Variants in NAALADL2 observed in about 807,000 individuals in gnomAD.
NAALADL2 encodes the protein inactive N-acetylated-alpha-linked acidic dipeptidase-like protein 2.
NAALADL2 carries 76 observed loss-of-function variants against 87.2 expected under a neutral mutation model. The observed-to-expected ratio is 0.87, with a 90% CI of 0.72 to 1.05. The LOEUF (loss-of-function observed/expected upper bound fraction) is 1.05, where lower values mean the gene tolerates loss of function less well. Ranked by LOEUF, NAALADL2 falls within the 50% of genes least tolerant of loss-of-function variation. The pLI is 0.00. For missense variants in NAALADL2, 1,089 were observed against 945.8 expected (o/e 1.15, Z -1.99); for synonymous variants, 354 against 331.0 (o/e 1.07, Z -0.75).
chr3:174,871,212 C>T (rs1203541292), intron 1 of NAALADL2, among the ~76,000 whole-genome samples: 1 of 152,182 alleles, frequency 6.6e-6, no homozygotes, highest in Non-Finnish European at 1.5e-5. Flanking sequence ...GATATTTCCT[C>T]TTCAGTGTTT....
At chr3:175,262,855 G>A (rs1751297725) in intron 4 of NAALADL2, among the ~76,000 whole-genome samples, 1 of 151,772 alleles carries the variant, frequency 6.6e-6, no homozygotes, top group South Asian at 2.1e-4. Flanking sequence ...AGGCAAACTT[G>A]CCTCTTTTTT....
At chr3:175,400,669 C>T (rs988120284) in intron 5 of NAALADL2, among the ~76,000 whole-genome samples, 1 of 152,038 alleles carries the variant, frequency 6.6e-6, no homozygotes, top group Admixed American at 6.6e-5. Flanking sequence ...AAGTTCAATT[C>T]TTAAAATAGG....
chr3:175,492,283 G>A (rs1450582048), intron 9 of NAALADL2, among the ~76,000 whole-genome samples: 2 of 152,146 alleles, frequency 1.3e-5, no homozygotes, highest in African/African-American at 4.8e-5. Context: ...ATTCTTTAGT[G>A]TATGGAGTAG....
intron 3 of NAALADL2, among the ~76,000 whole-genome samples, chr3:174,833,113 A>G (rs1374050714): frequency 3.3e-5 from 5 of 152,148 alleles, no homozygotes; most frequent in Admixed American, 2.0e-4. Flanking sequence ...AAAAGTTAAT[A>G]CTGTTTCTGA....
intron 5 of NAALADL2, among the ~76,000 whole-genome samples, chr3:175,358,371 T>C (rs1219912352): frequency 6.6e-6 from 1 of 152,162 alleles, no homozygotes; most frequent in Admixed American, 6.6e-5. Context: ...AAATGATTAC[T>C]GCCTTAGGAG....
chr3:174,840,091 G>A (rs146944278), intron 3 of NAALADL2, among the ~76,000 whole-genome samples: 2 of 151,612 alleles, frequency 1.3e-5, no homozygotes, highest in Admixed American at 6.6e-5. Context: ...ACAAAAATGT[G>A]GAACCAACCC....
chr3:175,287,136 C>T (rs945098302), intron 4 of NAALADL2, among the ~76,000 whole-genome samples: 2 of 151,912 alleles, frequency 1.3e-5, no homozygotes, highest in South Asian at 4.2e-4. Flanking sequence ...TATCTCGTTC[C>T]GTATAGTATC....
chr3:174,883,244 C>T lies in NAALADL2; in HGVS notation c.43+23794C>T, dbSNP rs940439030. On this transcript the variant is annotated intron_variant, in intron 1 of 13. Coordinates refer to ENST00000454872, the MANE Select transcript of NAALADL2 (RefSeq NM_207015.3). ...CTCAAATGTTAATCTCCTTTGGCTACACCCTCACAGAAACACACCAGGAGC... is the reference window on the plus strand; with the variant it reads ...CTCAAATGTTAATCTCCTTTGGCTATACCCTCACAGAAACACACCAGGAGC... Among the ~76,000 whole-genome samples the T allele has an allele frequency of 2.0e-5, 3 of 152,074 alleles. No homozygotes were observed. The East Asian group carries it at 5.8e-4, about 29-fold the overall frequency.
In NAALADL2 at chr3:174,471,472, C is replaced by T. The variant is rs183802416; in HGVS notation, c.-184+30440C>T. Among the ~76,000 whole-genome samples the T allele has an allele frequency of 9.5e-4, 144 of 152,192 alleles. 1 individual carries two copies. The highest frequency in any genetic ancestry group is 3.4e-3 in the Middle Eastern group (1 of 294). On this transcript the variant is annotated intron_variant, in intron 1 of 3. Coordinates refer to the NAALADL2 transcript ENST00000434257. Reference sequence around the variant, plus strand: ...TAAAGATCTTCTAATAAATTAGAGTCTTGGGCAACTGTTTAGTCTGTTTTG... The same window carrying T: ...TAAAGATCTTCTAATAAATTAGAGTTTTGGGCAACTGTTTAGTCTGTTTTG...
intron 1 of NAALADL2, among the ~76,000 whole-genome samples, chr3:174,862,742 G>A (rs1726652866): frequency 6.6e-6 from 1 of 152,172 alleles, no homozygotes. Context: ...ACAATCTTGT[G>A]AGAGGAGGAA....
intron 11 of NAALADL2, among the ~76,000 whole-genome samples, chr3:175,678,467 A>T (rs1735126111): frequency 6.6e-6 from 1 of 152,168 alleles, no homozygotes; most frequent in South Asian, 2.1e-4. Flanking sequence ...AAGACTTGGA[A>T]CCAACCCAGA....
intron 1 of NAALADL2, among the ~76,000 whole-genome samples, chr3:174,990,865 C>G (rs1746638957): frequency 6.6e-6 from 1 of 152,050 alleles, no homozygotes; most frequent in Non-Finnish European, 1.5e-5. Context: ...GACCTCTCTA[C>G]AAGTGAATCT....
chr3:175,018,989 C>T (rs1231366053), intron 1 of NAALADL2, among the ~76,000 whole-genome samples: 1 of 151,930 alleles, frequency 6.6e-6, no homozygotes, highest in Admixed American at 6.6e-5. Context: ...TGAAAGAAAC[C>T]ACCTCCTGCT....
intron 3 of NAALADL2, among the ~76,000 whole-genome samples, chr3:174,795,684 A>G (rs147684272): frequency 2.0e-5 from 3 of 152,190 alleles, no homozygotes; most frequent in Non-Finnish European, 4.4e-5. Context: ...ATCTCTCCAC[A>G]TCTTCACCAA....
At chr3:175,559,473 T>A (rs1715905581) in intron 9 of NAALADL2, among the ~76,000 whole-genome samples, 1 of 152,134 alleles carries the variant, frequency 6.6e-6, no homozygotes, top group Non-Finnish European at 1.5e-5. Flanking sequence ...CTTCCAGTAC[T>A]ATGTTGAAAA....
At chr3:174,774,953 C>G (rs746599062) in intron 3 of NAALADL2, among the ~76,000 whole-genome samples, 1 of 152,002 alleles carries the variant, frequency 6.6e-6, no homozygotes, top group Non-Finnish European at 1.5e-5. Flanking sequence ...TTCTCACAAA[C>G]GGAAAAGTTA....
chr3:175,310,739 T>C (rs1385217823), intron 4 of NAALADL2, among the ~76,000 whole-genome samples: 1 of 152,056 alleles, frequency 6.6e-6, no homozygotes, highest in Non-Finnish European at 1.5e-5. Flanking sequence ...TGGTCATTTT[T>C]TATCTCCTCA....
chr3:175,029,352 A>G (rs1327453307), intron 1 of NAALADL2, among the ~76,000 whole-genome samples: 1 of 151,964 alleles, frequency 6.6e-6, no homozygotes, highest in African/African-American at 2.4e-5. Flanking sequence ...TGTGATTGTA[A>G]TTTAAAAATG....
At chr3:175,446,423 T>C (rs1190498395) in intron 5 of NAALADL2, among the ~76,000 whole-genome samples, 2 of 152,110 alleles carry the variant, frequency 1.3e-5, no homozygotes, top group Non-Finnish European at 2.9e-5. Context: ...TATACTTTTA[T>C]TATGCACGGG....
Sources: gnomAD v4.1 joint callset for allele counts (sites outside exome capture counted in the v4.1 genomes callset) on GRCh38, gnomAD v4.1.1 for gene constraint, MANE v1.5 for transcripts, NCBI Gene and HGNC (gene_info 2026-07-23, HGNC 2026-07-21) for gene names.